Variants in TRPC4 observed in about 807,000 individuals in gnomAD.
The protein encoded by TRPC4 is transient receptor potential cation channel subfamily C member 4.
In TRPC4, 49 loss-of-function variants were observed where a neutral mutation model predicts 99.4. The observed-to-expected ratio is 0.49, with a 90% CI of 0.39 to 0.63. TRPC4 has a LOEUF of 0.63. Ranked by LOEUF, TRPC4 falls within the 20% of genes least tolerant of loss-of-function variation. The probability of loss-of-function intolerance (pLI) is 0.00; values close to 1 mark genes in which losing one functional copy is unlikely to be tolerated. For synonymous variants in TRPC4, 454 were observed against 425.9 expected, an observed-to-expected ratio of 1.07 and a Z score of -0.81; for missense variants, 898 against 1,152.9, an observed-to-expected ratio of 0.78 and a Z score of 3.20.
intron 3 of TRPC4, among the ~76,000 whole-genome samples, chr13:37,697,987 G>A (rs1953970560): frequency 6.6e-6 from 1 of 151,700 alleles, no homozygotes. Context: ...GCGTGCATGA[G>A]TTCTTGAGTG....
At chr13:37,725,747 T>C (rs1033425647) in intron 3 of TRPC4, among the ~76,000 whole-genome samples, 2 of 152,132 alleles carry the variant, frequency 1.3e-5, no homozygotes, top group African/African-American at 2.4e-5. Context: ...GATTCCTATA[T>C]CTGGCAAAAC....
intron 3 of TRPC4, among the ~76,000 whole-genome samples, chr13:37,723,275 T>C (rs1187618294): frequency 1.3e-5 from 2 of 152,040 alleles, no homozygotes; most frequent in Non-Finnish European, 2.9e-5. Flanking sequence ...AAATCTACAA[T>C]ATGTAAACAA....
intron 1 of TRPC4, among the ~76,000 whole-genome samples, chr13:37,819,823 G>C (rs1957963144): frequency 6.8e-6 from 1 of 147,078 alleles, no homozygotes; most frequent in Non-Finnish European, 1.5e-5. Flanking sequence ...AACTTAAAAT[G>C]AAAGTTAAAA....
At chr13:37,827,525 C>T (rs1182658103) in intron 1 of TRPC4, among the ~76,000 whole-genome samples, 2 of 151,978 alleles carry the variant, frequency 1.3e-5, no homozygotes, top group African/African-American at 2.4e-5. Flanking sequence ...GTTGGAGTAC[C>T]CTGCGGTGTG....
At chr13:37,868,522 T>C (rs1458951550) in intron 1 of TRPC4, among the ~76,000 whole-genome samples, 3 of 152,172 alleles carry the variant, frequency 2.0e-5, no homozygotes, top group Non-Finnish European at 4.4e-5. Context: ...GCTTAAAGAA[T>C]TTGTAATATT....
chr13:37,736,031 C>A (rs2139107483), intron 3 of TRPC4, among the ~76,000 whole-genome samples: 1 of 152,276 alleles, frequency 6.6e-6, no homozygotes, highest in East Asian at 1.9e-4. Flanking sequence ...AATTAGAAGA[C>A]AGTTATTACA....
Position 37,783,007 on chromosome 13 carries a change from G to T in TRPC4, c.327C>A (p.Val109=). ...GGTTCAATAACAGCTCAACAGCTCC[G>T]ACGACTTCTTTTCTGATAGCATGTA... is the stretch of plus-strand genomic sequence containing the variant. ...ALLHAIRKEV[V]GAVELLLNHK... Residue 109 remains valine, a synonymous_variant, in exon 2 of 11, where the codon GTC becomes GTA. Transcript: ENST00000379705. The T allele has an allele frequency of 6.2e-7, 1 of 1,605,970 alleles. No individual in the cohort carries two copies. The highest frequency in any genetic ancestry group is 1.1e-5 in the South Asian group (1 of 89,810).
At chr13:37,731,767 C>T (rs143952463) in intron 3 of TRPC4, among the ~76,000 whole-genome samples, 1 of 151,982 alleles carries the variant, frequency 6.6e-6, no homozygotes, top group Non-Finnish European at 1.5e-5. Context: ...TAAAATCAAA[C>T]AAAATGATTT....
chr13:37,769,723 C>T (rs965634753), intron 2 of TRPC4, among the ~76,000 whole-genome samples: 3 of 151,414 alleles, frequency 2.0e-5, no homozygotes, highest in South Asian at 2.1e-4. Flanking sequence ...ATTTCATCAC[C>T]AGAATGCAAC....
At chr13:37,645,792 C>T (rs746735898) in intron 8 of TRPC4, among the ~76,000 whole-genome samples, 7 of 152,188 alleles carry the variant, frequency 4.6e-5, no homozygotes, top group Non-Finnish European at 1.0e-4. Flanking sequence ...AAATAATTCA[C>T]GTGAAATGCC....
chr13:37,635,139 C>T lies in TRPC4; in HGVS notation c.*1764G>A, dbSNP rs550293672. 5.9e-5 allele frequency among the ~76,000 whole-genome samples: 9 copies of T among 152,248 alleles called. No individual in the cohort carries two copies. In the South Asian group the frequency reaches 1.9e-3, roughly 32 times the overall value. On this transcript the variant is annotated 3_prime_UTR_variant, in exon 11 of 11. Transcript: ENST00000379705. ...TTCTCTTGCTTTAGAAGAAGGGACT[C>T]TTATGAAGCATACCAAACTCATTCT...
chr13:37,658,523 T>C (rs774908876), intron 6 of TRPC4, among the ~76,000 whole-genome samples: 4 of 152,180 alleles, frequency 2.6e-5, no homozygotes, highest in South Asian at 2.1e-4. Flanking sequence ...ATTTTATCTT[T>C]AGTTTATAAG....
At chr13:37,728,892 T>C (rs1208488030) in intron 3 of TRPC4, among the ~76,000 whole-genome samples, 1 of 152,052 alleles carries the variant, frequency 6.6e-6, no homozygotes, top group Non-Finnish European at 1.5e-5. Context: ...GTGATCAAAT[T>C]GTTTCTGATG....
chr13:37,854,035 T>C (rs1168105022), intron 1 of TRPC4, among the ~76,000 whole-genome samples: 3 of 152,092 alleles, frequency 2.0e-5, no homozygotes, highest in African/African-American at 7.2e-5. Context: ...TATCCAAGAA[T>C]TTCCCAATCC....
Position 37,674,385 on chromosome 13 carries a change from T to C in TRPC4, c.1235-18A>G, listed in dbSNP as rs567121604. 1.9e-6 allele frequency: 3 copies of C among 1,593,956 alleles called. No individual in the cohort carries two copies. The highest frequency in any genetic ancestry group is 2.6e-6 in the Non-Finnish European group (3 of 1,174,596). ...TATGAAGCCTGCAATTATAGAAAGA[T>C]TCATTGTAAGTATGATTTCAATAGA... On this transcript the variant is annotated intron_variant, in intron 4 of 10. Transcript: ENST00000379705.
chr13:37,817,981 G>T (rs908694943), intron 1 of TRPC4, among the ~76,000 whole-genome samples: 1 of 151,924 alleles, frequency 6.6e-6, no homozygotes, highest in Non-Finnish European at 1.5e-5. Flanking sequence ...AACGTACAAA[G>T]ATTTTATGAT....
At chr13:37,705,595 T>C (rs1433923944) in intron 3 of TRPC4, among the ~76,000 whole-genome samples, 2 of 152,120 alleles carry the variant, frequency 1.3e-5, no homozygotes, top group East Asian at 3.9e-4. Flanking sequence ...AATGAACCTC[T>C]TTTACAAAAA....
chr13:37,688,700 G>A (rs1455030919), intron 4 of TRPC4, among the ~76,000 whole-genome samples: 1 of 152,098 alleles, frequency 6.6e-6, no homozygotes, highest in Non-Finnish European at 1.5e-5. Context: ...AAATAAAAAA[G>A]TATTACTTTA....
chr13:37,692,937 T>C (rs554633101), intron 3 of TRPC4, among the ~76,000 whole-genome samples: 20 of 152,352 alleles, frequency 1.3e-4, no homozygotes, highest in Admixed American at 3.9e-4. Flanking sequence ...TTAATCATCA[T>C]AGCTTAATTC....
Sources: allele counts gnomAD v4.1 joint callset (sites outside exome capture counted in the v4.1 genomes callset), GRCh38; gene constraint gnomAD v4.1.1; transcripts MANE v1.5; gene names NCBI Gene and HGNC (gene_info 2026-07-23, HGNC 2026-07-21).